Variants in CCDC170 observed in about 807,000 individuals in gnomAD.
The protein encoded by CCDC170 is coiled-coil domain containing 170.
In CCDC170, 69 loss-of-function variants were observed where a neutral mutation model predicts 72.6. That is an observed-to-expected ratio of 0.95 (90% CI 0.78 to 1.16). The LOEUF (loss-of-function observed/expected upper bound fraction) is 1.16, where lower values mean the gene tolerates loss of function less well. CCDC170 is among the 50% of genes most tolerant of loss of function. The probability of loss-of-function intolerance (pLI) is 0.00; values close to 1 mark genes in which losing one functional copy is unlikely to be tolerated. For missense variants in CCDC170, 852 were observed against 832.5 expected (o/e 1.02, Z -0.29); for synonymous variants, 300 against 303.9 (o/e 0.99, Z 0.13).
intron 1 of CCDC170, among the ~76,000 whole-genome samples, chr6:151,509,194 G>A (rs1327565212): frequency 6.7e-6 from 1 of 149,008 alleles, no homozygotes; most frequent in African/African-American, 2.5e-5. Flanking sequence ...CCCCCCTTTC[G>A]CTCTCTCTGT....
chr6:151,548,382 A>G lies in CCDC170; in HGVS notation c.667A>G (p.Met223Val). ...TGAAGAGACTATAAATGTCCATGAGATGGAAGCAAAAGCTAGCAGAGAAAC... is the reference window on the plus strand; with the variant it reads ...TGAAGAGACTATAAATGTCCATGAGGTGGAAGCAAAAGCTAGCAGAGAAAC... Reference protein sequence around the residue: ...ILEETINVHEMEAKASRETIM... With the variant: ...ILEETINVHEVEAKASRETIM... The change falls in exon 5 of 11, where the codon ATG (methionine) becomes GTG (valine). Residue 223 changes from methionine to valine, a missense_variant. Physicochemically the swap from Met to Val is conservative, Grantham distance 21. Coordinates refer to ENST00000239374, the MANE Select transcript of CCDC170 (RefSeq NM_025059.4). The G allele has an allele frequency of 6.2e-7, 1 of 1,613,024 alleles. No individual in the cohort carries two copies. Among genetic ancestry groups the G allele is most frequent in the South Asian group, 1.1e-5 (1 of 90,904 alleles).
chr6:151,620,987 A>C lies in CCDC170; in HGVS notation c.*2840A>C, dbSNP rs1294044473. On this transcript the variant is annotated 3_prime_UTR_variant, in exon 11 of 11. Transcript: ENST00000239374. ...GTGACTCTAGTGATCTTTAACATAC[A>C]CAGAATGATCTACAGTGATCTTTAA... The C allele has an allele frequency of 1.3e-5, 2 of 152,298 alleles. No homozygotes were observed. Among genetic ancestry groups the C allele is most frequent in the South Asian group, 4.1e-4 (2 of 4,828 alleles). 9.4% of individuals were successfully genotyped at this position (152,298 alleles called of 1,614,324 possible). A position where few individuals can be genotyped will look rare whatever the true frequency, so the allele number is the denominator to read the frequency against.
intron 1 of CCDC170, among the ~76,000 whole-genome samples, chr6:151,526,822 C>T (rs1782418088): frequency 6.6e-6 from 1 of 152,068 alleles, no homozygotes; most frequent in African/African-American, 2.4e-5. Flanking sequence ...GAAAAGAAGA[C>T]TCAGGGGAGC....
chr6:151,566,319 T>C (rs924756678), intron 5 of CCDC170, among the ~76,000 whole-genome samples: 3 of 152,238 alleles, frequency 2.0e-5, no homozygotes, highest in African/African-American at 7.2e-5. Flanking sequence ...CCAGTTCTTT[T>C]AACATTTCCT....
At chr6:151,564,205 G>A (rs922796555) in intron 5 of CCDC170, among the ~76,000 whole-genome samples, 1 of 152,150 alleles carries the variant, frequency 6.6e-6, no homozygotes, top group African/African-American at 2.4e-5. Flanking sequence ...ATGTTGGTTG[G>A]GTAGGGCACT....
At chr6:151,494,254 C>T (rs1781877262) in intron 1 of CCDC170, 69 bp downstream of exon 1, 11 of 1,400,168 alleles carry the variant, frequency 7.9e-6, no homozygotes, top group Non-Finnish European at 9.4e-6. Flanking sequence ...GGGGCCGAGG[C>T]GCCCCTGATT....
intron 5 of CCDC170, among the ~76,000 whole-genome samples, chr6:151,556,723 C>G (rs1009345151): frequency 2.6e-5 from 4 of 152,184 alleles, no homozygotes; most frequent in African/African-American, 9.7e-5. Flanking sequence ...TTTATCATTT[C>G]TGTGTGTTGG....
At chr6:151,559,722 G>A (rs941901757) in intron 5 of CCDC170, among the ~76,000 whole-genome samples, 5 of 152,102 alleles carry the variant, frequency 3.3e-5, no homozygotes, top group African/African-American at 4.8e-5. Context: ...TCTCTGGCTA[G>A]GATTTTCGGA....
Position 151,581,788 on chromosome 6 carries a change from T to C in CCDC170, c.1093-4101T>C, listed in dbSNP as rs78492063. ...GGCTGCAGAATGAATGCTGTGTTAATAGCTGTGAAGACAACATTCATCTCT... is the reference window on the plus strand; with the variant it reads ...GGCTGCAGAATGAATGCTGTGTTAACAGCTGTGAAGACAACATTCATCTCT... On this transcript the variant is annotated intron_variant, in intron 6 of 10. Coordinates refer to ENST00000239374, the MANE Select transcript of CCDC170 (RefSeq NM_025059.4). Among the ~76,000 whole-genome samples, 392 of 152,358 alleles carry C rather than the reference T, an allele frequency of 2.6e-3. 1 individual carries two copies. The highest frequency in any genetic ancestry group is 8.8e-3 in the African/African-American group (365 of 41,574).
intron 7 of CCDC170, among the ~76,000 whole-genome samples, chr6:151,587,278 G>A (rs1169050261): frequency 6.6e-6 from 1 of 152,092 alleles, no homozygotes; most frequent in Non-Finnish European, 1.5e-5. Flanking sequence ...GTGGAGCGGT[G>A]GAGAGCAAAA....
At chr6:151,504,784 C>A (rs988788292) in intron 1 of CCDC170, among the ~76,000 whole-genome samples, 1 of 151,482 alleles carries the variant, frequency 6.6e-6, no homozygotes, top group Non-Finnish European at 1.5e-5. Context: ...GATTTGGGAG[C>A]TACTAGATAC....
At chr6:151,586,704 T>G (rs932227116) in intron 7 of CCDC170, among the ~76,000 whole-genome samples, 7 of 152,084 alleles carry the variant, frequency 4.6e-5, no homozygotes, top group African/African-American at 1.7e-4. Context: ...ACTATGAAGA[T>G]GGAGTGTTCT....
In CCDC170 at chr6:151,602,064, C is replaced by T. The variant is rs112368502; in HGVS notation, c.1710+5487C>T. Among the ~76,000 whole-genome samples the T allele has an allele frequency of 2.4e-4, 36 of 152,244 alleles. No individual in the cohort carries two copies. The East Asian group carries it at 4.1e-3, about 17-fold the overall frequency. On this transcript the variant is annotated intron_variant, in intron 9 of 10. Transcript: ENST00000239374. ...ACATTTGGGTCAAAGCTTTTGTACTCGTTTCTATGTCTGTTTCAAAACCAT... is the reference window on the plus strand; with the variant it reads ...ACATTTGGGTCAAAGCTTTTGTACTTGTTTCTATGTCTGTTTCAAAACCAT...
chr6:151,590,075 G>A (rs571248339), intron 7 of CCDC170, among the ~76,000 whole-genome samples: 4 of 151,542 alleles, frequency 2.6e-5, no homozygotes, highest in African/African-American at 9.7e-5. Context: ...CAATCTCTTC[G>A]AGATTCAGCT....
chr6:151,533,179 G>A (rs571439011), intron 1 of CCDC170, among the ~76,000 whole-genome samples: 22 of 150,170 alleles, frequency 1.5e-4, no homozygotes, highest in East Asian at 4.1e-4. Context: ...TCAGCCTCCC[G>A]AGTAGCTGGG....
intron 1 of CCDC170, among the ~76,000 whole-genome samples, chr6:151,523,534 A>C (rs1782355080): frequency 6.6e-6 from 1 of 151,836 alleles, no homozygotes; most frequent in Non-Finnish European, 1.5e-5. Context: ...AAAAATACAA[A>C]AATTAGCCAG....
chr6:151,597,191 CT>C (rs1385127065), intron 9 of CCDC170, among the ~76,000 whole-genome samples: 1 of 151,704 alleles, frequency 6.6e-6, no homozygotes, highest in African/African-American at 2.4e-5. Flanking sequence ...GTGGCATGAT[CT>C]TGACTCACTC....
At chr6:151,582,678 A>G (rs1348973606) in intron 6 of CCDC170, among the ~76,000 whole-genome samples, 2 of 152,182 alleles carry the variant, frequency 1.3e-5, no homozygotes, top group African/African-American at 2.4e-5. Context: ...TACTTCTGGC[A>G]ATGAACCTCA....
intron 1 of CCDC170, among the ~76,000 whole-genome samples, chr6:151,526,844 G>A (rs1484197935): frequency 6.6e-6 from 1 of 151,944 alleles, no homozygotes; most frequent in Non-Finnish European, 1.5e-5. Context: ...AGAGTGTTAA[G>A]AATATTTTAG....
Sources: gnomAD v4.1 joint callset for allele counts (sites outside exome capture counted in the v4.1 genomes callset) on GRCh38, gnomAD v4.1.1 for gene constraint, MANE v1.5 for transcripts, NCBI Gene and HGNC (gene_info 2026-07-23, HGNC 2026-07-21) for gene names.